OLA1: variants seen among roughly 807,000 people sequenced by gnomAD.
OLA1 encodes Obg like ATPase 1, also known as obg-like ATPase 1.
OLA1 carries 14 observed loss-of-function variants against 48.4 expected under a neutral mutation model. The observed-to-expected ratio is 0.29, with a 90% CI of 0.19 to 0.45. OLA1 has a LOEUF of 0.45. Among genes scored for constraint, OLA1 ranks in the 20% least tolerant of loss-of-function variants. The pLI, the probability that OLA1 is intolerant of heterozygous loss-of-function variation, is 1.00. For synonymous variants in OLA1, 127 were observed against 150.4 expected, an observed-to-expected ratio of 0.84 and a Z score of 1.14; for missense variants, 325 against 467.1, an observed-to-expected ratio of 0.70 and a Z score of 2.80.
chr2:174,217,046 T>C (rs1417199896), intron 4 of OLA1, among the ~76,000 whole-genome samples: 2 of 152,170 alleles, frequency 1.3e-5, no homozygotes, highest in Admixed American at 1.3e-4. Context: ...TCAGCTCCCC[T>C]AACCCCAGTA....
intron 4 of OLA1, among the ~76,000 whole-genome samples, chr2:174,142,970 T>A (rs1450319894): frequency 6.6e-6 from 1 of 152,192 alleles, no homozygotes; most frequent in African/African-American, 2.4e-5. Context: ...GTATCAATTA[T>A]TTTAGACAGA....
intron 7 of OLA1, among the ~76,000 whole-genome samples, chr2:174,118,693 T>C (rs1206699976): frequency 6.6e-6 from 1 of 152,194 alleles, no homozygotes; most frequent in Non-Finnish European, 1.5e-5. Flanking sequence ...CCTGACATAT[T>C]TGATAAATTA....
intron 7 of OLA1, among the ~76,000 whole-genome samples, chr2:174,089,801 C>T (rs1685065224): frequency 1.3e-5 from 2 of 150,396 alleles, no homozygotes; most frequent in African/African-American, 4.9e-5. Context: ...ACTTGGAAGG[C>T]TGAGGTGGGA....
intron 5 of OLA1, among the ~76,000 whole-genome samples, chr2:174,140,069 A>C (rs1482453289): frequency 3.3e-5 from 5 of 152,110 alleles, no homozygotes; most frequent in Admixed American, 2.0e-4. Flanking sequence ...TGGAAACTTA[A>C]TAGGAAAAGA....
chr2:174,205,657 G>A (rs984039757), intron 4 of OLA1, among the ~76,000 whole-genome samples: 6 of 152,188 alleles, frequency 3.9e-5, no homozygotes, highest in African/African-American at 1.2e-4. Context: ...TATGGCAAGA[G>A]CTGAGTCAGT....
intron 7 of OLA1, among the ~76,000 whole-genome samples, chr2:174,107,674 A>C (rs1171547714): frequency 6.6e-6 from 1 of 152,130 alleles, no homozygotes; most frequent in Non-Finnish European, 1.5e-5. Flanking sequence ...GAGAATTTGG[A>C]ACTTCATTAT....
At chr2:174,144,939 AAAAAAAAAAAAAATAT>A (rs1376898146) in intron 4 of OLA1, among the ~76,000 whole-genome samples, 1 of 56,388 alleles carries the variant, frequency 1.8e-5, no homozygotes, top group Non-Finnish European at 3.7e-5. Flanking sequence ...TTAAAAAAAA[AAAAAAAAAAAAAATAT>A]ATATATATAT....
chr2:174,131,139 C>T (rs1686170452), intron 5 of OLA1, among the ~76,000 whole-genome samples: 1 of 152,176 alleles, frequency 6.6e-6, no homozygotes, highest in African/African-American at 2.4e-5. Context: ...TTCCACTCCT[C>T]TTCAGAGATA....
intron 4 of OLA1, among the ~76,000 whole-genome samples, chr2:174,214,215 C>T (rs1016729609): frequency 1.3e-5 from 2 of 152,030 alleles, no homozygotes; most frequent in African/African-American, 4.8e-5. Context: ...CACCTGTAGT[C>T]CCAGCTACTC....
chr2:174,112,748 C>T (rs571070229), intron 7 of OLA1, among the ~76,000 whole-genome samples: 1 of 152,276 alleles, frequency 6.6e-6, no homozygotes, highest in African/African-American at 2.4e-5. Context: ...ATGGGATGAC[C>T]CTCAGAAGAT....
intron 7 of OLA1, among the ~76,000 whole-genome samples, chr2:174,090,681 G>A (rs1165980980): frequency 1.3e-5 from 2 of 152,194 alleles, no homozygotes; most frequent in Non-Finnish European, 1.5e-5. Context: ...GAAGGGAAGT[G>A]GGGAAAGATG....
At chr2:174,242,526 C>T (rs1183810603) in intron 2 of OLA1, among the ~76,000 whole-genome samples, 1 of 152,124 alleles carries the variant, frequency 6.6e-6, no homozygotes, top group African/African-American at 2.4e-5. Flanking sequence ...AGGATGAGGC[C>T]ACATCCTAGG....
At chr2:174,141,245 T>C (rs1428875394) in intron 5 of OLA1, among the ~76,000 whole-genome samples, 2 of 152,258 alleles carry the variant, frequency 1.3e-5, no homozygotes, top group African/African-American at 4.8e-5. Context: ...GCACCGTTTC[T>C]TAAATGTTAA....
chr2:174,243,234 C>A (rs989229211), intron 2 of OLA1, among the ~76,000 whole-genome samples: 2 of 151,484 alleles, frequency 1.3e-5, no homozygotes, highest in Non-Finnish European at 2.9e-5. Context: ...TGAAACCAGC[C>A]TCAGGGCAGC....
At chr2:174,075,640 G>A in intron 10 of OLA1, 113 bp from the exon 11 acceptor site, 2 of 645,412 alleles carry the variant, frequency 3.1e-6, no homozygotes, top group Non-Finnish European at 2.7e-6. Context: ...TATAAAAAAA[G>A]AAAAAATGAA....
chr2:174,239,928 C>T, intron 2 of OLA1, among the ~76,000 whole-genome samples: 1 of 151,254 alleles, frequency 6.6e-6, no homozygotes, highest in East Asian at 1.9e-4. Flanking sequence ...ATGCAACATA[C>T]AATTATGGAT....
rs948387151 is a variant in OLA1, at chr2:174,223,995, A to G, written c.246-835T>C. The stretch of plus-strand genomic sequence containing the variant: ...ATAAATAAAAGCTACTTTTAATGTC[A>G]TATGACAAAGGTATATATAATGTAA... On this transcript the variant is annotated intron_variant, in intron 3 of 10. Transcript: ENST00000284719. Among the ~76,000 whole-genome samples, 7 of 152,216 alleles carry G rather than the reference A, an allele frequency of 4.6e-5. 1 individual carries two copies. Among genetic ancestry groups the G allele is most frequent in the Non-Finnish European group, 1.0e-4 (7 of 68,024 alleles).
rs534403146 is a variant in OLA1, at chr2:174,117,368, T to C, written c.728+5812A>G. Among the ~76,000 whole-genome samples the C allele has an allele frequency of 1.8e-3, 279 of 152,310 alleles. 3 individuals are homozygous for C. The highest frequency in any genetic ancestry group is 3.4e-3 in the Middle Eastern group (1 of 294). On this transcript the variant is annotated intron_variant, in intron 7 of 10. Transcript: ENST00000284719. ...ATGGCCAAGTTCAAAGAGCTACTTATAGTAGCAAATAAAGACCATAGCACT... is the reference window on the plus strand; with the variant it reads ...ATGGCCAAGTTCAAAGAGCTACTTACAGTAGCAAATAAAGACCATAGCACT...
chr2:174,116,780 T>C (rs1013970186), intron 7 of OLA1, among the ~76,000 whole-genome samples: 2 of 152,236 alleles, frequency 1.3e-5, no homozygotes, highest in African/African-American at 4.8e-5. Flanking sequence ...AGAGATGATC[T>C]TTAATTCTTT....
Sources: allele counts gnomAD v4.1 joint callset (sites outside exome capture counted in the v4.1 genomes callset), GRCh38; gene constraint gnomAD v4.1.1; transcripts MANE v1.5; gene names NCBI Gene and HGNC (gene_info 2026-07-23, HGNC 2026-07-21).